NRXN3: variants seen among roughly 807,000 people sequenced by gnomAD.
The protein encoded by NRXN3 is neurexin 3.
NRXN3 carries 32 observed loss-of-function variants against 137.6 expected under a neutral mutation model. The ratio of observed to expected loss-of-function variants is 0.23; its 90% CI spans 0.18 to 0.31. NRXN3 has a LOEUF of 0.31. NRXN3 is among the 10% of genes least tolerant of loss of function. NRXN3 has a pLI of 1.00. For synonymous variants in NRXN3, 798 were observed against 784.5 expected (o/e 1.02, Z -0.29); for missense variants, 1,574 against 2,062.5 (o/e 0.76, Z 4.59).
At chr14:79,265,507 T>C (rs1220089213) in intron 15 of NRXN3, among the ~76,000 whole-genome samples, 1 of 152,074 alleles carries the variant, frequency 6.6e-6, no homozygotes, top group East Asian at 1.9e-4. Context: ...GATGTTCTTA[T>C]TCTTAAAGCC....
chr14:78,908,715 T>C (rs140575920), intron 10 of NRXN3, among the ~76,000 whole-genome samples: 1 of 152,140 alleles, frequency 6.6e-6, no homozygotes, highest in African/African-American at 2.4e-5. Context: ...TTGGTTTGAA[T>C]AGAGGCCCTA....
intron 19 of NRXN3, among the ~76,000 whole-genome samples, chr14:79,765,525 T>G (rs1475168570): frequency 7.9e-5 from 12 of 152,210 alleles, no homozygotes; most frequent in Non-Finnish European, 1.6e-4. Flanking sequence ...GGAACTTCTG[T>G]GACACTATTA....
At chr14:78,531,232 T>C (rs1455353575) in intron 4 of NRXN3, among the ~76,000 whole-genome samples, 1 of 152,182 alleles carries the variant, frequency 6.6e-6, no homozygotes, top group Non-Finnish European at 1.5e-5. Flanking sequence ...AGAGTTAGCC[T>C]ACCCTTTGAC....
chr14:79,834,805 G>T (rs2099333172), intron 20 of NRXN3, among the ~76,000 whole-genome samples: 1 of 152,066 alleles, frequency 6.6e-6, no homozygotes, highest in Non-Finnish European at 1.5e-5. Context: ...CATAGCAGAG[G>T]ACAATCTCTG....
In NRXN3 at chr14:78,439,693, C is replaced by A. The variant is rs182623135; in HGVS notation, c.757+141833C>A. Among the ~76,000 whole-genome samples the A allele has an allele frequency of 3.9e-5, 6 of 152,172 alleles. No homozygotes were observed. In the East Asian group the frequency reaches 1.2e-3, roughly 29 times the overall value. On this transcript the variant is annotated intron_variant, in intron 4 of 20. Transcript: ENST00000335750. Reference sequence around the variant, plus strand: ...ATCCCTATTTTACAGGTGTGGAAACCAAGGCAGAATTTTTACAGGTGTGGA... The same window carrying A: ...ATCCCTATTTTACAGGTGTGGAAACAAAGGCAGAATTTTTACAGGTGTGGA...
At chr14:78,192,067 TG>T (rs1468408995) in intron 1 of NRXN3, among the ~76,000 whole-genome samples, 1 of 11,548 alleles carries the variant, frequency 8.7e-5, no homozygotes, top group African/African-American at 3.3e-4. Context: ...TGCCCGAAAG[TG>T]TGTGTGTGTG....
chr14:79,125,007 GTTTTGTACA>G (rs1390724013), intron 15 of NRXN3, among the ~76,000 whole-genome samples: 1 of 151,950 alleles, frequency 6.6e-6, no homozygotes, highest in Non-Finnish European at 1.5e-5. Context: ...TTGTATATTT[GTTTTGTACA>G]TTTTGTACAT....
rs147758675 is a variant in NRXN3, at chr14:78,599,071, G to A, written c.758-46049G>A. On this transcript the variant is annotated intron_variant, in intron 4 of 20. Transcript: ENST00000335750. ...GATTAATTTATGGAGAGGCTGAAGA[G>A]GTTAGTGGAATGAGAAGAGATGCAG... Among the ~76,000 whole-genome samples, 140 of 152,324 alleles carry A rather than the reference G, an allele frequency of 9.2e-4. 3 individuals are homozygous for A. The highest frequency in any genetic ancestry group is 9.1e-3 in the South Asian group (44 of 4,828).
chr14:78,172,638 G>A (rs1347666308), intron 1 of NRXN3, among the ~76,000 whole-genome samples: 1 of 152,110 alleles, frequency 6.6e-6, no homozygotes, highest in South Asian at 2.1e-4. Context: ...CTGCGAGTCA[G>A]TCTTCCTTCT....
intron 4 of NRXN3, among the ~76,000 whole-genome samples, chr14:78,490,000 T>C (rs904656774): frequency 2.0e-5 from 3 of 151,778 alleles, no homozygotes; most frequent in African/African-American, 7.3e-5. Flanking sequence ...CTGCAACCTC[T>C]GCCTCCTGGG....
intron 10 of NRXN3, among the ~76,000 whole-genome samples, chr14:78,892,507 G>A (rs2099161838): frequency 6.6e-6 from 1 of 151,710 alleles, no homozygotes; most frequent in South Asian, 2.1e-4. Context: ...GGCAGTCATT[G>A]AAGGTTTCTG....
chr14:78,503,938 TAGA>T (rs1197284207), intron 4 of NRXN3, among the ~76,000 whole-genome samples: 5 of 152,170 alleles, frequency 3.3e-5, no homozygotes, highest in Non-Finnish European at 7.4e-5. Context: ...AAAATCTTTT[TAGA>T]AGAATGTCAT....
intron 4 of NRXN3, among the ~76,000 whole-genome samples, chr14:78,306,354 A>T (rs567810628): frequency 6.6e-6 from 1 of 152,228 alleles, no homozygotes; most frequent in East Asian, 1.9e-4. Context: ...TATCCAGTTG[A>T]GTTAGTTAAT....
rs61992445 is a variant in NRXN3, at chr14:79,833,995, T to A, written c.4094-27347T>A. Reference sequence around the variant, plus strand: ...CAGAGGAAAAGAGTTCTGGCTGCCCTCCCAGGAAAATATACATGAAAGAAC... The same window carrying A: ...CAGAGGAAAAGAGTTCTGGCTGCCCACCCAGGAAAATATACATGAAAGAAC... On this transcript the variant is annotated intron_variant, in intron 20 of 20. Transcript: ENST00000335750. Among the ~76,000 whole-genome samples, 775 of 152,218 alleles carry A rather than the reference T, an allele frequency of 5.1e-3. 3 individuals carry two copies. Among genetic ancestry groups the A allele is most frequent in the Non-Finnish European group, 7.9e-3 (535 of 67,998 alleles).
rs191372934 is a variant in NRXN3, at chr14:78,803,834, A to G, written c.2248+11A>G. 39 of 1,610,042 alleles carry G rather than the reference A, an allele frequency of 2.4e-5. No homozygotes were observed. In the Admixed American group the frequency reaches 5.2e-4, roughly 21 times the overall value. On this transcript the variant is annotated intron_variant, in intron 9 of 20. Coordinates refer to ENST00000335750, the MANE Select transcript of NRXN3 (RefSeq NM_001330195.2). Reference sequence around the variant, plus strand: ...TCATGGTTAACTTAGGTATCGTATGAAGTACCCTCTGCCACTTCGTTTGGG... The same window carrying G: ...TCATGGTTAACTTAGGTATCGTATGGAGTACCCTCTGCCACTTCGTTTGGG...
intron 11 of NRXN3, among the ~76,000 whole-genome samples, chr14:78,961,597 T>C (rs1196757877): frequency 4.6e-5 from 7 of 152,248 alleles, no homozygotes; most frequent in Non-Finnish European, 1.0e-4. Flanking sequence ...ATAGGCACTC[T>C]ATTAAAAACT....
At chr14:78,934,180 AC>A (rs202084090) in intron 10 of NRXN3, among the ~76,000 whole-genome samples, 1 of 150,144 alleles carries the variant, frequency 6.7e-6, no homozygotes, top group Admixed American at 6.6e-5. Context: ...AAAAAAAAAA[AC>A]CCCAAAACCA....
chr14:79,004,233 G>A (rs1567959855), intron 15 of NRXN3, among the ~76,000 whole-genome samples: 1 of 152,040 alleles, frequency 6.6e-6, no homozygotes, highest in Non-Finnish European at 1.5e-5. Context: ...TTTGCATGGT[G>A]TTCATATAAA....
intron 15 of NRXN3, among the ~76,000 whole-genome samples, chr14:79,341,528 G>C (rs1308224037): frequency 6.6e-6 from 1 of 152,094 alleles, no homozygotes; most frequent in South Asian, 2.1e-4. Context: ...CGGAGGCTGT[G>C]GGGGAGACTC....
Sources: allele counts gnomAD v4.1 joint callset (sites outside exome capture counted in the v4.1 genomes callset), GRCh38; gene constraint gnomAD v4.1.1; transcripts MANE v1.5; gene names NCBI Gene and HGNC (gene_info 2026-07-23, HGNC 2026-07-21).